The following CRPPA variants were observed in gnomAD, a reference collection of about 807,000 sequenced individuals.
The protein encoded by CRPPA is CDP-L-ribitol pyrophosphorylase A, also known as D-ribitol-5-phosphate cytidylyltransferase.
Under a neutral mutation model 52.0 loss-of-function variants are expected in CRPPA, and 43 were observed. That is an observed-to-expected ratio of 0.83 (90% CI 0.65 to 1.07). The LOEUF (loss-of-function observed/expected upper bound fraction) is 1.07, where lower values mean the gene tolerates loss of function less well. Ranked by LOEUF, CRPPA falls within the 50% of genes least tolerant of loss-of-function variation. CRPPA has a pLI of 0.00. For missense variants in CRPPA, 629 were observed against 551.7 expected, an observed-to-expected ratio of 1.14 and a Z score of -1.40; for synonymous variants, 250 against 203.5, an observed-to-expected ratio of 1.23 and a Z score of -1.94.
At chr7:16,121,364 C>A (rs1782477163) in intron 9 of CRPPA, among the ~76,000 whole-genome samples, 1 of 152,062 alleles carries the variant, frequency 6.6e-6, no homozygotes, top group Non-Finnish European at 1.5e-5. Flanking sequence ...ACCTCCATAG[C>A]ATGTATAACT....
chr7:16,254,005 C>G (rs1188304650), intron 8 of CRPPA, among the ~76,000 whole-genome samples: 2 of 152,138 alleles, frequency 1.3e-5, no homozygotes, highest in African/African-American at 4.8e-5. Flanking sequence ...CATCACCGGC[C>G]ATCAGAGAAA....
At chr7:16,232,527 A>C (rs1021148055) in intron 8 of CRPPA, among the ~76,000 whole-genome samples, 2 of 152,148 alleles carry the variant, frequency 1.3e-5, no homozygotes, top group East Asian at 1.9e-4. Context: ...TCATGAGCCA[A>C]ATAAATCACT....
intron 9 of CRPPA, among the ~76,000 whole-genome samples, chr7:16,206,567 C>A (rs943221240): frequency 6.6e-6 from 1 of 151,700 alleles, no homozygotes; most frequent in Admixed American, 6.6e-5. Context: ...AATTCTGAAC[C>A]TTTTTTTAAA....
chr7:16,373,279 A>C (rs1290529230), intron 3 of CRPPA, among the ~76,000 whole-genome samples: 1 of 152,174 alleles, frequency 6.6e-6, no homozygotes, highest in Non-Finnish European at 1.5e-5. Flanking sequence ...CTGGGCAACA[A>C]GAGCGAAACT....
At chr7:16,141,019 C>T (rs1431137899) in intron 9 of CRPPA, among the ~76,000 whole-genome samples, 1 of 152,156 alleles carries the variant, frequency 6.6e-6, no homozygotes, top group African/African-American at 2.4e-5. Context: ...AGTAAACCTT[C>T]CCCACTTGTC....
At chr7:16,196,852 A>AG (rs1205437948) in intron 9 of CRPPA, among the ~76,000 whole-genome samples, 1 of 152,112 alleles carries the variant, frequency 6.6e-6, no homozygotes, top group African/African-American at 2.4e-5. Flanking sequence ...TCACTCTTAG[A>AG]GTTTTGCTGC....
At chr7:16,325,829 C>A (rs1317803287) in intron 3 of CRPPA, among the ~76,000 whole-genome samples, 1 of 151,902 alleles carries the variant, frequency 6.6e-6, no homozygotes, top group African/African-American at 2.4e-5. Flanking sequence ...TGCACTGATA[C>A]AATGGAATCC....
At chr7:16,298,476 C>T (rs1784719174) in intron 5 of CRPPA, among the ~76,000 whole-genome samples, 1 of 152,176 alleles carries the variant, frequency 6.6e-6, no homozygotes, top group African/African-American at 2.4e-5. Flanking sequence ...TACTATAATA[C>T]AACATCAAGT....
chr7:16,204,977 C>G (rs1276975843), intron 9 of CRPPA, among the ~76,000 whole-genome samples: 1 of 152,168 alleles, frequency 6.6e-6, no homozygotes, highest in Non-Finnish European at 1.5e-5. Context: ...TATCTCTCCA[C>G]GATTCTTAAC....
chr7:16,125,418 T>C (rs191453658), intron 9 of CRPPA, among the ~76,000 whole-genome samples: 17 of 152,240 alleles, frequency 1.1e-4, no homozygotes, highest in Admixed American at 3.3e-4. Context: ...GCCATTTATA[T>C]AGCATACAAT....
At chr7:16,353,018 C>G (rs1452432897) in intron 3 of CRPPA, among the ~76,000 whole-genome samples, 5 of 151,946 alleles carry the variant, frequency 3.3e-5, no homozygotes, top group Admixed American at 2.6e-4. Context: ...TAAAATAAGA[C>G]AGGGACAGAG....
chr7:16,167,089 C>T (rs1258554585), intron 9 of CRPPA, among the ~76,000 whole-genome samples: 3 of 151,958 alleles, frequency 2.0e-5, no homozygotes, highest in African/African-American at 7.3e-5. Flanking sequence ...CCACCATGCC[C>T]GGCTAATTTT....
At chr7:16,220,823 T>C (rs1782478034) in intron 8 of CRPPA, among the ~76,000 whole-genome samples, 1 of 152,170 alleles carries the variant, frequency 6.6e-6, no homozygotes, top group Non-Finnish European at 1.5e-5. Flanking sequence ...GAACATTCCA[T>C]GCTCATGGGT....
At chr7:16,188,723 C>A (rs1244653514) in intron 9 of CRPPA, among the ~76,000 whole-genome samples, 2 of 152,116 alleles carry the variant, frequency 1.3e-5, no homozygotes, top group Admixed American at 1.3e-4. Context: ...ATCAACAACC[C>A]AACCTTTCAA....
intron 9 of CRPPA, among the ~76,000 whole-genome samples, chr7:16,097,893 G>C (rs533499717): frequency 6.6e-6 from 1 of 152,148 alleles, no homozygotes; most frequent in Non-Finnish European, 1.5e-5. Flanking sequence ...GTAGCACCTT[G>C]CAAGTGTATA....
intron 9 of CRPPA, among the ~76,000 whole-genome samples, chr7:16,106,556 A>G (rs1301044609): frequency 6.6e-6 from 1 of 152,184 alleles, no homozygotes; most frequent in East Asian, 1.9e-4. Context: ...CAACTGGAGA[A>G]CTCACAACAA....
intron 3 of CRPPA, among the ~76,000 whole-genome samples, chr7:16,329,883 C>T (rs1329519764): frequency 6.6e-6 from 1 of 152,168 alleles, no homozygotes; most frequent in Non-Finnish European, 1.5e-5. Flanking sequence ...AGAATACTAC[C>T]TGAAGCCCTG....
chr7:16,376,192 G>A lies in CRPPA; in HGVS notation c.584C>T (p.Ala195Val). 1 of 1,613,336 alleles carries A rather than the reference G, an allele frequency of 6.2e-7. No individual in the cohort carries two copies. ...PLVSTVVSPS[A>V]DGCLDYSLER... is the part of the protein sequence containing the mutation. ...TAGCGAGTAGTCTAAGCAACCATCA[G>A]CAGATGGACTGACGACAGTAGATAC... Residue 195 changes from alanine (A) to valine (V), a missense_variant, in exon 3 of 10, where the codon GCT becomes GTT. By Grantham distance (64) the Ala-to-Val change is moderately conservative (BLOSUM62 0). Coordinates refer to ENST00000407010, the MANE Select transcript of CRPPA (RefSeq NM_001101426.4).
chr7:16,145,028 T>C (rs1782947852), intron 9 of CRPPA, among the ~76,000 whole-genome samples: 4 of 152,154 alleles, frequency 2.6e-5, no homozygotes, highest in Admixed American at 2.6e-4. Flanking sequence ...CAGGAGGCTG[T>C]TCTACCCACC....
Sources: allele counts gnomAD v4.1 joint callset (sites outside exome capture counted in the v4.1 genomes callset), GRCh38; gene constraint gnomAD v4.1.1; transcripts MANE v1.5; gene names NCBI Gene and HGNC (gene_info 2026-07-23, HGNC 2026-07-21).